SS18L1: variants seen among roughly 807,000 people sequenced by gnomAD.
The protein encoded by SS18L1 is calcium-responsive transactivator.
Under a neutral mutation model 70.3 loss-of-function variants are expected in SS18L1, and 32 were observed. The ratio of observed to expected loss-of-function variants is 0.46; its 90% CI spans 0.34 to 0.61. The LOEUF (loss-of-function observed/expected upper bound fraction) is 0.61. Ranked by LOEUF, SS18L1 falls within the 20% of genes least tolerant of loss-of-function variation. SS18L1 has a pLI of 0.01. For synonymous variants in SS18L1, 237 were observed against 229.7 expected (o/e 1.03, Z -0.29); for missense variants, 430 against 542.1 (o/e 0.79, Z 2.05).
Position 62,182,289 on chromosome 20 carries a change from T to C in SS18L1, c.*3081T>C. On this transcript the variant is annotated 3_prime_UTR_variant, in exon 11 of 11. Transcript: ENST00000331758. ...TTCAAAACTGTACAAAGAAGACGAC[T>C]GTTTTCCATTTCCATTTAAACATTT... 1 of 217,140 alleles carries C rather than the reference T, an allele frequency of 4.6e-6. No homozygotes were observed. The allele number at this position is 217,140 out of a possible 1,614,324, so 13.5% of individuals were successfully genotyped here.
intron 10 of SS18L1, chr20:62,175,472 G>T: frequency 2.0e-6 from 2 of 984,080 alleles, no homozygotes; most frequent in Non-Finnish European, 2.4e-6. Context: ...CCAAGGTCCT[G>T]AGGCACCAGG....
intron 10 of SS18L1, among the ~76,000 whole-genome samples, chr20:62,178,614 C>CA: frequency 6.6e-6 from 1 of 152,074 alleles, no homozygotes; most frequent in African/African-American, 2.4e-5. Flanking sequence ...GTGGTGCAAT[C>CA]ACGGCTCACT....
rs910390114 is a variant in SS18L1, at chr20:62,180,952, C to T, written c.*1744C>T. ...TTAAAATTAATTCTTTATCCAGAGT[C>T]GGGTGCTTTAGAATTTATAAGTCAC... is the stretch of plus-strand genomic sequence containing the variant. On this transcript the variant is annotated 3_prime_UTR_variant, in exon 11 of 11. Transcript: ENST00000331758. 5.0e-5 allele frequency: 9 copies of T among 179,444 alleles called. No homozygotes were observed. The highest frequency in any genetic ancestry group is 1.9e-4 in the African/African-American group (8 of 42,402). The allele number at this position is 179,444 out of a possible 1,614,324, so 11.1% of individuals were successfully genotyped here. A position where few individuals can be genotyped will look rare whatever the true frequency, so the allele number is the denominator to read the frequency against.
At chr20:62,162,072 T>C (rs771871507) in intron 4 of SS18L1, among the ~76,000 whole-genome samples, 1 of 151,926 alleles carries the variant, frequency 6.6e-6, no homozygotes, top group Non-Finnish European at 1.5e-5. Flanking sequence ...AATAAAAATA[T>C]TAGCCGGGTG....
chr20:62,168,791 G>A (rs886481954), intron 8 of SS18L1, among the ~76,000 whole-genome samples: 1 of 152,166 alleles, frequency 6.6e-6, no homozygotes, highest in African/African-American at 2.4e-5. Flanking sequence ...TCCAGCCTTG[G>A]CAACAGAGCA....
chr20:62,156,807 G>T (rs1289830181), intron 1 of SS18L1, among the ~76,000 whole-genome samples: 2 of 152,226 alleles, frequency 1.3e-5, no homozygotes, highest in Admixed American at 1.3e-4. Context: ...TTGCCCTGGG[G>T]CTCCCCTGCT....
intron 1 of SS18L1, among the ~76,000 whole-genome samples, chr20:62,156,840 C>A (rs748245034): frequency 6.6e-6 from 1 of 152,238 alleles, no homozygotes; most frequent in Admixed American, 6.5e-5. Context: ...GAGCTCCTGT[C>A]GGGAGCGGCC....
At position 62,179,473 on chromosome 20, in the gene SS18L1, G is replaced by A. The variant is rs961352980; in HGVS notation, c.*265G>A. ...GAGAGGTATCCTTTTTTTGTCCCCC[G>A]CCCCCTTCTCAATGTTTCTAGCTAG... On this transcript the variant is annotated 3_prime_UTR_variant, in exon 11 of 11. Transcript: ENST00000331758. The A allele has an allele frequency of 5.4e-5, 28 of 523,014 alleles. No individual in the cohort carries two copies. Among genetic ancestry groups the A allele is most frequent in the African/African-American group, 4.0e-4 (21 of 52,260 alleles). 32.4% of individuals were successfully genotyped at this position (523,014 alleles called of 1,614,324 possible). A position where few individuals can be genotyped will look rare whatever the true frequency, so the allele number is the denominator to read the frequency against.
chr20:62,178,016 C>CTTT (rs770157620), intron 10 of SS18L1, among the ~76,000 whole-genome samples: 6,394 of 101,294 alleles, frequency 0.063, 386 homozygotes, highest in South Asian at 0.15. Flanking sequence ...TGTGCCTGGC[C>CTTT]TTTTTTTTTT....
At chr20:62,146,670 C>T (rs867797115) in intron 1 of SS18L1, among the ~76,000 whole-genome samples, 119 of 136,868 alleles carry the variant, frequency 8.7e-4, no homozygotes, top group Admixed American at 5.9e-3. Context: ...AGTGCAGTGG[C>T]GCGATCTCGG....
rs1260191613 is a variant in SS18L1, at chr20:62,167,170, T to C, written c.916+1656T>C. ...AAGCAATTCTCCTGCCTCAGCCTCT[T>C]GAGTAGCTCGGATTACAGGCCCCGC... On this transcript the variant is annotated intron_variant, in intron 8 of 10. Coordinates refer to ENST00000331758, the MANE Select transcript of SS18L1 (RefSeq NM_198935.3). 2.9e-4 allele frequency among the ~76,000 whole-genome samples: 43 copies of C among 149,274 alleles called. No individual in the cohort carries two copies. The South Asian group carries it at 9.1e-3, about 32-fold the overall frequency.
Position 62,174,567 on chromosome 20 carries a change from G to C in SS18L1, c.1087G>C (p.Gly363Arg). Residue 363 changes from glycine (G) to arginine (R), a missense_variant, in exon 10 of 11, where the codon GGC becomes CGC. Transcript: ENST00000331758. The surrounding 1 kb of genome is among the most constrained non-coding windows in gnomAD (Gnocchi z 4.1). ...GTACCCCGGCTACCAGCAAGGCCAAGGCCAGCAGTACGGAAGCTACCGAGC... is the reference window on the plus strand; with the variant it reads ...GTACCCCGGCTACCAGCAAGGCCAACGCCAGCAGTACGGAAGCTACCGAGC... ...SQYPGYQQGQ[G>R]QQYGSYRAPQ... The C allele has an allele frequency of 6.2e-7, 1 of 1,614,032 alleles. No homozygotes were observed. Among genetic ancestry groups the C allele is most frequent in the Non-Finnish European group, 8.5e-7 (1 of 1,180,036 alleles).
chr20:62,158,441 C>T lies in SS18L1; in HGVS notation c.70-231C>T, dbSNP rs2057262240. Among the ~76,000 whole-genome samples, 1 of 151,582 alleles carries T rather than the reference C, an allele frequency of 6.6e-6. No homozygotes were observed. Among genetic ancestry groups the T allele is most frequent in the African/African-American group, 2.4e-5 (1 of 41,202 alleles). ...GAACCTTTTGAGCACCAACATGAGG[C>T]TCAAAGGAAATGCTCATTGGAGCAT... On this transcript the variant is annotated intron_variant, in intron 1 of 10. Transcript: ENST00000331758. The surrounding 1 kb of genome is among the most constrained non-coding windows in gnomAD (Gnocchi z 4.5).
Position 62,159,767 on chromosome 20 carries a change from G to A in SS18L1, c.147-110G>A, listed in dbSNP as rs1242650029. On this transcript the variant is annotated intron_variant, in intron 2 of 10. Coordinates refer to ENST00000331758, the MANE Select transcript of SS18L1 (RefSeq NM_198935.3). This position sits in a 1 kb window ranked among gnomAD's most constrained non-coding sequence, Gnocchi z 4.4. ...TCATCTGGGGTCCATGTCCTCATGG[G>A]GTTTGGCTGGATGTCAGGCTGTCTT... 4 of 1,046,370 alleles carry A rather than the reference G, an allele frequency of 3.8e-6. No individual in the cohort carries two copies. The African/African-American group carries it at 4.7e-5, about 12-fold the overall frequency. The allele number at this position is 1,046,370 out of a possible 1,614,324, so 64.8% of individuals were successfully genotyped here.
chr20:62,147,503 G>A (rs1357749605), intron 1 of SS18L1, among the ~76,000 whole-genome samples: 1 of 152,220 alleles, frequency 6.6e-6, no homozygotes, highest in Non-Finnish European at 1.5e-5. Flanking sequence ...CCCCTGAGTT[G>A]CCTCTTTGCT....
At chr20:62,151,898 C>T (rs1404361853) in intron 1 of SS18L1, among the ~76,000 whole-genome samples, 4 of 145,290 alleles carry the variant, frequency 2.8e-5, no homozygotes, top group East Asian at 2.0e-4. Context: ...CCTCTTTTCC[C>T]GATCCCCAGA....
chr20:62,150,693 G>A (rs957074729), intron 1 of SS18L1, among the ~76,000 whole-genome samples: 6 of 110,732 alleles, frequency 5.4e-5, no homozygotes, highest in Admixed American at 2.7e-4. Context: ...TTGCTCTTTC[G>A]CCCAGGCTGA....
At chr20:62,157,067 T>C (rs1353735668) in intron 1 of SS18L1, among the ~76,000 whole-genome samples, 1 of 152,086 alleles carries the variant, frequency 6.6e-6, no homozygotes, top group Non-Finnish European at 1.5e-5. Flanking sequence ...TCGCCTCCCG[T>C]TGGGTCTCCG....
chr20:62,152,482 G>A (rs888719650), intron 1 of SS18L1, among the ~76,000 whole-genome samples: 22 of 152,162 alleles, frequency 1.4e-4, no homozygotes, highest in Admixed American at 2.6e-4. Context: ...TCTCTGGCGC[G>A]GGTTTACCCC....
Sources: allele counts gnomAD v4.1 joint callset (sites outside exome capture counted in the v4.1 genomes callset), GRCh38; gene constraint gnomAD v4.1.1; non-coding constraint Gnocchi (gnomAD v3.1); transcripts MANE v1.5; gene names NCBI Gene and HGNC (gene_info 2026-07-23, HGNC 2026-07-21).